Variants in OR52K2 observed in about 807,000 individuals in gnomAD.
OR52K2 encodes the protein olfactory receptor family 52 subfamily K member 2, also known as olfactory receptor 52K2.
OR52K2 carries 10 observed loss-of-function variants against 11.4 expected under a neutral mutation model. The observed-to-expected ratio is 0.88, with a 90% CI of 0.54 to 1.49. OR52K2 has a LOEUF of 1.49. Among genes scored for constraint, OR52K2 ranks in the 40% most tolerant of loss-of-function variants. The pLI, the probability that OR52K2 is intolerant of heterozygous loss-of-function variation, is 0.00. For synonymous variants in OR52K2, 199 were observed against 151.9 expected (o/e 1.31, Z -2.28); for missense variants, 465 against 393.3 (o/e 1.18, Z -1.54).
rs775195171 is a variant in OR52K2 at position 4,449,900 on chromosome 11, G to A, written c.561G>A (p.Val187=). 22 of 1,614,064 alleles carry A rather than the reference G, an allele frequency of 1.4e-5. No individual in the cohort carries two copies. The highest frequency in any genetic ancestry group is 1.7e-5 in the Non-Finnish European group (20 of 1,180,038). Residue 187 remains valine, a synonymous_variant, in exon 1 of 1, where the codon GTG becomes GTA. Transcript: ENST00000325719. The part of the protein sequence containing the change: ...AHCYCEHMAV[V]RLACGDTSFN... ...GCTACTGTGAACACATGGCTGTGGT[G>A]AGGCTGGCGTGTGGGGACACTAGCT...
Position 4,449,743 on chromosome 11 carries a change from C to T in OR52K2, c.404C>T (p.Thr135Ile), listed in dbSNP as rs749526810. Reference sequence around the variant, plus strand: ...GCTATCTGCAAGCCACTGCACTACACCAAGGTCCTGACTGGGTCCCTCATC... The same window carrying T: ...GCTATCTGCAAGCCACTGCACTACATCAAGGTCCTGACTGGGTCCCTCATC... ...YVAICKPLHY[T>I]KVLTGSLITK... Residue 135 changes from threonine to isoleucine, a missense_variant, in exon 1 of 1, where the codon ACC (threonine) becomes ATC (isoleucine). Physicochemically the swap from Thr to Ile is moderately conservative, Grantham distance 89 (BLOSUM62 -1). Coordinates refer to ENST00000325719, the MANE Select transcript of OR52K2 (RefSeq NM_001005172.2). 17 of 1,614,078 alleles carry T rather than the reference C, an allele frequency of 1.1e-5. No individual in the cohort carries two copies. The highest frequency in any genetic ancestry group is 5.0e-5 in the Admixed American group (3 of 59,998).
rs1300702753 is a variant in OR52K2 at position 4,449,505 on chromosome 11, G to C, written c.166G>C (p.Ala56Pro). The C allele has an allele frequency of 6.2e-7, 1 of 1,613,370 alleles. No individual in the cohort carries two copies. Among genetic ancestry groups the C allele is most frequent in the Non-Finnish European group, 8.5e-7 (1 of 1,179,596 alleles). The change falls in exon 1 of 1, where the codon GCC (alanine) becomes CCC (proline). Residue 56 changes from alanine to proline, a missense_variant. Physicochemically the swap from Ala to Pro is conservative, Grantham distance 27. Transcript: ENST00000325719. The stretch of plus-strand genomic sequence containing the variant: ...CCTTCTCATCATCCAGGCTGATGCA[G>C]CCCTCCATGAACCCATGTACCTCTT... ...TLLLIIQADA[A>P]LHEPMYLFLA... is the part of the protein sequence containing the mutation.
rs1846070754 is a variant in OR52K2 at position 4,450,018 on chromosome 11, G to C, written c.679G>C (p.Val227Leu). 1 of 1,614,034 alleles carries C rather than the reference G, an allele frequency of 6.2e-7. No homozygotes were observed. The highest frequency in any genetic ancestry group is 2.2e-5 in the East Asian group (1 of 44,890). ...ILSYIFILQA[V>L]LLLASQEARY... ...GTCTTATATCTTTATTCTTCAGGCAGTTCTACTGCTTGCCTCTCAGGAGGC... is the reference window on the plus strand; with the variant it reads ...GTCTTATATCTTTATTCTTCAGGCACTTCTACTGCTTGCCTCTCAGGAGGC... Residue 227 changes from valine to leucine, a missense_variant, in exon 1 of 1, where the codon GTT becomes CTT. Physicochemically the swap from Val to Leu is conservative, Grantham distance 32. Coordinates refer to ENST00000325719, the MANE Select transcript of OR52K2 (RefSeq NM_001005172.2).
rs964371039 is a variant in OR52K2, at chr11:4,450,312, G to T, written c.*28G>T. The T allele has an allele frequency of 6.6e-7, 1 of 1,505,238 alleles. No homozygotes were observed. The highest frequency in any genetic ancestry group is 9.2e-7 in the Non-Finnish European group (1 of 1,090,998). The allele number at this position is 1,505,238 out of a possible 1,614,324, so 93.2% of individuals were successfully genotyped here. A position where few individuals can be genotyped will look rare whatever the true frequency, so the allele number is the denominator to read the frequency against. On this transcript the variant is annotated 3_prime_UTR_variant, in exon 1 of 1. Transcript: ENST00000325719. ...GGTGAGGTGGAGAAAGAATGGGTTG[G>T]CTTGTCTGCTGGAGTTGGAGACAGG...
At position 4,449,606 on chromosome 11, in the gene OR52K2, C is replaced by T; in HGVS notation, c.267C>T (p.Phe89=). 2 of 1,614,172 alleles carry T rather than the reference C, an allele frequency of 1.2e-6. No individual in the cohort carries two copies. The highest frequency in any genetic ancestry group is 1.7e-6 in the Non-Finnish European group (2 of 1,180,024). Residue 89 remains phenylalanine, a synonymous_variant, in exon 1 of 1, where the codon TTC becomes TTT. Coordinates refer to ENST00000325719, the MANE Select transcript of OR52K2 (RefSeq NM_001005172.2). ...ALPKMLAIFW[F]RDREINFFAC... Reference sequence around the variant, plus strand: ...CCAAAATGCTTGCCATATTCTGGTTCAGGGATCGGGAGATAAACTTCTTTG... The same window carrying T: ...CCAAAATGCTTGCCATATTCTGGTTTAGGGATCGGGAGATAAACTTCTTTG...
Position 4,449,593 on chromosome 11 carries a change from C to A in OR52K2, c.254C>A (p.Ala85Asp), listed in dbSNP as rs759747273. Residue 85 changes from alanine (A) to aspartate (D), a missense_variant, in exon 1 of 1, where the codon GCC (alanine) becomes GAC (aspartate). Transcript: ENST00000325719. ...LSSSALPKML[A>D]IFWFRDREIN... is the part of the protein sequence containing the mutation. The stretch of plus-strand genomic sequence containing the variant: ...TCCTCAGCACTGCCCAAAATGCTTG[C>A]CATATTCTGGTTCAGGGATCGGGAG... 1 of 1,614,206 alleles carries A rather than the reference C, an allele frequency of 6.2e-7. No individual in the cohort carries two copies. Among genetic ancestry groups the A allele is most frequent in the Non-Finnish European group, 8.5e-7 (1 of 1,180,020 alleles).
At position 4,449,915 on chromosome 11, in the gene OR52K2, G is replaced by T. The variant is rs754418387; in HGVS notation, c.576G>T (p.Gly192=). Residue 192 remains glycine, a synonymous_variant, in exon 1 of 1, where the codon GGG becomes GGT. Coordinates refer to ENST00000325719, the MANE Select transcript of OR52K2 (RefSeq NM_001005172.2). ...TGGCTGTGGTGAGGCTGGCGTGTGG[G>T]GACACTAGCTTCAACAATATCTATG... ...EHMAVVRLAC[G]DTSFNNIYGI... is the part of the protein sequence containing the mutation. 1 of 1,614,142 alleles carries T rather than the reference G, an allele frequency of 6.2e-7. No homozygotes were observed. Among genetic ancestry groups the T allele is most frequent in the East Asian group, 2.2e-5 (1 of 44,888 alleles).
At position 4,450,113 on chromosome 11, in the gene OR52K2, C is replaced by A; in HGVS notation, c.774C>A (p.Val258=). ...GAILAFYTTV[V]ISSVMHRVAR... ...TCTTAGCCTTCTACACAACTGTGGT[C>A]ATCTCTTCAGTCATGCACCGTGTAG... Residue 258 remains valine, a synonymous_variant, in exon 1 of 1, where the codon GTC becomes GTA. Coordinates refer to ENST00000325719, the MANE Select transcript of OR52K2 (RefSeq NM_001005172.2). 1 of 1,614,094 alleles carries A rather than the reference C, an allele frequency of 6.2e-7. No homozygotes were observed. Among genetic ancestry groups the A allele is most frequent in the Non-Finnish European group, 8.5e-7 (1 of 1,180,028 alleles).
At position 4,449,428 on chromosome 11, in the gene OR52K2, C is replaced by G; in HGVS notation, c.89C>G (p.Ser30Cys). The change falls in exon 1 of 1, where the codon TCC (serine) becomes TGC (cysteine). Residue 30 changes from serine to cysteine, a missense_variant. By Grantham distance (112) the Ser-to-Cys change is moderately radical. Transcript: ENST00000325719. ...CTGGAACACCTGCACATCTGGATCT[C>G]CATCCCTTTCTGCTTAGCATATACA... ...PGLEHLHIWI[S>C]IPFCLAYTLA... is the part of the protein sequence containing the mutation. The G allele has an allele frequency of 6.4e-7, 1 of 1,568,494 alleles. No individual in the cohort carries two copies. The highest frequency in any genetic ancestry group is 8.6e-7 in the Non-Finnish European group (1 of 1,158,364).
Position 4,450,190 on chromosome 11 carries a change from T to C in OR52K2, c.851T>C (p.Leu284Pro). The part of the protein sequence containing the change: ...VHILLANFYL[L>P]FPPMVNPIIY... ...ATCCTCCTTGCCAATTTCTATCTGC[T>C]CTTCCCACCCATGGTCAATCCCATA... Residue 284 changes from leucine (L) to proline (P), a missense_variant, in exon 1 of 1, where the codon CTC becomes CCC. Leu to Pro is a moderately conservative substitution (Grantham distance 98). Transcript: ENST00000325719. 1.2e-6 allele frequency: 2 copies of C among 1,613,998 alleles called. No individual in the cohort carries two copies. The highest frequency in any genetic ancestry group is 1.1e-5 in the South Asian group (1 of 91,056).
At position 4,450,279 on chromosome 11, in the gene OR52K2, A is replaced by G; in HGVS notation, c.940A>G (p.Met314Val). 1.2e-6 allele frequency: 2 copies of G among 1,606,344 alleles called. No individual in the cohort carries two copies. The highest frequency in any genetic ancestry group is 1.7e-6 in the Non-Finnish European group (2 of 1,174,396). The change falls in exon 1 of 1, where the codon ATG (methionine) becomes GTG (valine). Residue 314 changes from methionine to valine, a missense_variant. Transcript: ENST00000325719. ...CTTGGGAGTATTCCCAAGAAAGGAT[A>G]TGTAGAGGGTGAGGTGGAGAAAGAA... is the stretch of plus-strand genomic sequence containing the variant. ...SILGVFPRKD[M>V]
In OR52K2 at chr11:4,450,195, C is replaced by T; in HGVS notation, c.856C>T (p.Pro286Ser). The T allele has an allele frequency of 1.2e-6, 2 of 1,614,026 alleles. No homozygotes were observed. The highest frequency in any genetic ancestry group is 3.3e-5 in the Admixed American group (2 of 60,014). ...ILLANFYLLF[P>S]PMVNPIIYGV... is the part of the protein sequence containing the mutation. ...CCTTGCCAATTTCTATCTGCTCTTC[C>T]CACCCATGGTCAATCCCATAATCTA... Residue 286 changes from proline (P) to serine (S), a missense_variant, in exon 1 of 1, where the codon CCA becomes TCA. Physicochemically the swap from Pro to Ser is moderately conservative, Grantham distance 74 (BLOSUM62 -1). Transcript: ENST00000325719.
rs1234132338 is a variant in OR52K2 at position 4,449,452 on chromosome 11, C to T, written c.113C>T (p.Thr38Ile). 3 of 1,599,318 alleles carry T rather than the reference C, an allele frequency of 1.9e-6. No individual in the cohort carries two copies. The East Asian group carries it at 6.7e-5, about 36-fold the overall frequency. The change falls in exon 1 of 1, where the codon ACA (threonine) becomes ATA (isoleucine). Residue 38 changes from threonine (T) to isoleucine (I), a missense_variant. Thr to Ile is a moderately conservative substitution (Grantham distance 89, BLOSUM62 -1). Transcript: ENST00000325719. The stretch of plus-strand genomic sequence containing the variant: ...TCCATCCCTTTCTGCTTAGCATATA[C>T]ACTGGCCCTGCTTGGAAACTGCACT... Reference protein sequence around the residue: ...WISIPFCLAYTLALLGNCTLL... With the variant: ...WISIPFCLAYILALLGNCTLL...
In OR52K2 at chr11:4,449,560, T is replaced by C. The variant is rs1338645284; in HGVS notation, c.221T>C (p.Val74Ala). 6.2e-7 allele frequency: 1 copy of C among 1,614,148 alleles called. No individual in the cohort carries two copies. Residue 74 changes from valine (V) to alanine (A), a missense_variant, in exon 1 of 1, where the codon GTC becomes GCC. By Grantham distance (64) the Val-to-Ala change is moderately conservative. Coordinates refer to ENST00000325719, the MANE Select transcript of OR52K2 (RefSeq NM_001005172.2). ...GCCATGTTGGCAGCCATCGACCTGG[T>C]CCTTTCCTCCTCAGCACTGCCCAAA... ...FLAMLAAIDL[V>A]LSSSALPKML... is the part of the protein sequence containing the mutation.
At position 4,449,921 on chromosome 11, in the gene OR52K2, T is replaced by A; in HGVS notation, c.582T>A (p.Thr194=). 1 of 1,614,200 alleles carries A rather than the reference T, an allele frequency of 6.2e-7. No individual in the cohort carries two copies. Among genetic ancestry groups the A allele is most frequent in the Non-Finnish European group, 8.5e-7 (1 of 1,180,040 alleles). The change falls in exon 1 of 1, where the codon ACT becomes ACA. Residue 194 remains threonine (T), a synonymous_variant. Coordinates refer to ENST00000325719, the MANE Select transcript of OR52K2 (RefSeq NM_001005172.2). ...MAVVRLACGD[T]SFNNIYGIAV... Reference sequence around the variant, plus strand: ...TGGTGAGGCTGGCGTGTGGGGACACTAGCTTCAACAATATCTATGGCATCG... The same window carrying A: ...TGGTGAGGCTGGCGTGTGGGGACACAAGCTTCAACAATATCTATGGCATCG...
At position 4,449,921 on chromosome 11, in the gene OR52K2, T is replaced by C; in HGVS notation, c.582T>C (p.Thr194=). The C allele has an allele frequency of 6.2e-7, 1 of 1,614,200 alleles. No homozygotes were observed. The highest frequency in any genetic ancestry group is 8.5e-7 in the Non-Finnish European group (1 of 1,180,040). ...TGGTGAGGCTGGCGTGTGGGGACAC[T>C]AGCTTCAACAATATCTATGGCATCG... ...MAVVRLACGD[T]SFNNIYGIAV... The change falls in exon 1 of 1, where the codon ACT becomes ACC. Residue 194 remains threonine, a synonymous_variant. Coordinates refer to ENST00000325719, the MANE Select transcript of OR52K2 (RefSeq NM_001005172.2).
At position 4,450,250 on chromosome 11, in the gene OR52K2, G is replaced by C; in HGVS notation, c.911G>C (p.Ser304Thr). The C allele has an allele frequency of 2.5e-6, 4 of 1,613,718 alleles. No individual in the cohort carries two copies. The highest frequency in any genetic ancestry group is 3.4e-6 in the Non-Finnish European group (4 of 1,179,696). The change falls in exon 1 of 1, where the codon AGC becomes ACC. Residue 304 changes from serine to threonine, a missense_variant. By Grantham distance (58) the Ser-to-Thr change is moderately conservative. Coordinates refer to ENST00000325719, the MANE Select transcript of OR52K2 (RefSeq NM_001005172.2). The stretch of plus-strand genomic sequence containing the variant: ...GTCAAGACCAAGCAAATCCGTGAGA[G>C]CATCTTGGGAGTATTCCCAAGAAAG... ...YGVKTKQIRE[S>T]ILGVFPRKDM
In OR52K2 at chr11:4,449,637, C is replaced by G; in HGVS notation, c.298C>G (p.Leu100Val). Residue 100 changes from leucine (L) to valine (V), a missense_variant, in exon 1 of 1, where the codon CTG becomes GTG. Physicochemically the swap from Leu to Val is conservative, Grantham distance 32. Transcript: ENST00000325719. ...RDREINFFAC[L>V]AQMFFLHSFS... ...TCGGGAGATAAACTTCTTTGCCTGT[C>G]TGGCCCAGATGTTCTTCCTTCACTC... is the stretch of plus-strand genomic sequence containing the variant. 1 of 1,614,186 alleles carries G rather than the reference C, an allele frequency of 6.2e-7. No individual in the cohort carries two copies. Among genetic ancestry groups the G allele is most frequent in the South Asian group, 1.1e-5 (1 of 91,080 alleles).
chr11:4,450,191 C>T lies in OR52K2; in HGVS notation c.852C>T (p.Leu284=). 1 of 1,614,078 alleles carries T rather than the reference C, an allele frequency of 6.2e-7. No individual in the cohort carries two copies. Among genetic ancestry groups the T allele is most frequent in the Non-Finnish European group, 8.5e-7 (1 of 1,180,008 alleles). The change falls in exon 1 of 1, where the codon CTC becomes CTT. Residue 284 remains leucine, a synonymous_variant. Transcript: ENST00000325719. ...VHILLANFYL[L]FPPMVNPIIY... Reference sequence around the variant, plus strand: ...TCCTCCTTGCCAATTTCTATCTGCTCTTCCCACCCATGGTCAATCCCATAA... The same window carrying T: ...TCCTCCTTGCCAATTTCTATCTGCTTTTCCCACCCATGGTCAATCCCATAA...
Sources: allele counts gnomAD v4.1 joint callset, GRCh38; gene constraint gnomAD v4.1.1; transcripts MANE v1.5; gene names NCBI Gene and HGNC (gene_info 2026-07-23, HGNC 2026-07-21).